Variants in GRID2IP observed in about 807,000 individuals in gnomAD.
GRID2IP encodes the protein delphilin.
Under a neutral mutation model 114.3 loss-of-function variants are expected in GRID2IP, and 78 were observed. That is an observed-to-expected ratio of 0.68 (90% CI 0.57 to 0.82). GRID2IP has a LOEUF of 0.82. Ranked by LOEUF, GRID2IP falls within the 40% of genes least tolerant of loss-of-function variation. GRID2IP has a pLI of 0.00. For missense variants in GRID2IP, 1,727 were observed against 1,678.5 expected (o/e 1.03, Z -0.51); for synonymous variants, 809 against 724.0 (o/e 1.12, Z -1.89).
Position 6,520,930 on chromosome 7 carries a change from A to G in GRID2IP, c.1085-169T>C, listed in dbSNP as rs1347760957. On this transcript the variant is annotated intron_variant, in intron 6 of 21. Transcript: ENST00000457091. The surrounding 1 kb of genome is among the most constrained non-coding windows in gnomAD (Gnocchi z 4.6). The stretch of plus-strand genomic sequence containing the variant: ...CGACACCGGGGCCAAGGATAGAGGG[A>G]GTCAGCCCTGGGAAGGGTCCCTAAG... Among the ~76,000 whole-genome samples the G allele has an allele frequency of 6.6e-6, 1 of 152,070 alleles. No individual in the cohort carries two copies. Among genetic ancestry groups the G allele is most frequent in the Non-Finnish European group, 1.5e-5 (1 of 67,998 alleles).
intron 14 of GRID2IP, among the ~76,000 whole-genome samples, chr7:6,505,566 G>A (rs1321046187): frequency 6.6e-6 from 1 of 151,884 alleles, no homozygotes; most frequent in East Asian, 1.9e-4. Flanking sequence ...CAAGGGTTTC[G>A]CCACGTTGCC....
Position 6,526,717 on chromosome 7 carries a change from C to G in GRID2IP, c.637G>C (p.Gly213Arg). 1 of 1,523,212 alleles carries G rather than the reference C, an allele frequency of 6.6e-7. No individual in the cohort carries two copies. The highest frequency in any genetic ancestry group is 8.8e-7 in the Non-Finnish European group (1 of 1,135,642). The allele number at this position is 1,523,212 out of a possible 1,614,324, so 94.4% of individuals were successfully genotyped here. A position where few individuals can be genotyped will look rare whatever the true frequency, so the allele number is the denominator to read the frequency against. The part of the protein sequence containing the change: ...RARFDEVVSQ[G>R]LLGKLCRARR... The stretch of plus-strand genomic sequence containing the variant: ...GCGCGGCACAGCTTGCCCAGGAGGC[C>G]CTGAGACACCACCTCGTCGAAGCGC... The change falls in exon 3 of 22, where the codon GGC (glycine) becomes CGC (arginine). Residue 213 changes from glycine (G) to arginine (R), a missense_variant. By Grantham distance (125) the Gly-to-Arg change is moderately radical. Coordinates refer to ENST00000457091, the MANE Select transcript of GRID2IP (RefSeq NM_001145118.2). This position sits in a 1 kb window ranked among gnomAD's most constrained non-coding sequence, Gnocchi z 7.6.
intron 1 of GRID2IP, among the ~76,000 whole-genome samples, chr7:6,545,661 C>A (rs1181572434): frequency 6.6e-6 from 1 of 152,250 alleles, no homozygotes; most frequent in Non-Finnish European, 1.5e-5. Flanking sequence ...CTCCCCCACC[C>A]AGGTGTGATG....
At position 6,539,844 on chromosome 7, in the gene GRID2IP, G is replaced by T. The variant is rs1779786091; in HGVS notation, c.458C>A (p.Thr153Asn). ...TGCAGCGAACACCTGCTCCTTGGCA[G>T]TTGGCTGGTCCCCCAAGATTTCATC... ...KVDEILGDQP[T>N]AKEQVFAALK... Residue 153 changes from threonine (T) to asparagine (N), a missense_variant, in exon 2 of 22, where the codon ACT becomes AAT. Thr to Asn is a moderately conservative substitution (Grantham distance 65). Coordinates refer to ENST00000457091, the MANE Select transcript of GRID2IP (RefSeq NM_001145118.2). 1 of 1,551,290 alleles carries T rather than the reference G, an allele frequency of 6.4e-7. No individual in the cohort carries two copies. Among genetic ancestry groups the T allele is most frequent in the South Asian group, 1.2e-5 (1 of 84,042 alleles).
intron 20 of GRID2IP, among the ~76,000 whole-genome samples, chr7:6,498,717 G>C (rs2115348939): frequency 6.6e-6 from 1 of 151,546 alleles, no homozygotes; most frequent in African/African-American, 2.4e-5. Flanking sequence ...CTCCCGAGCA[G>C]CTGGGACCAG....
intron 1 of GRID2IP, among the ~76,000 whole-genome samples, chr7:6,540,876 G>T (rs907256421): frequency 6.6e-6 from 1 of 151,550 alleles, no homozygotes; most frequent in Non-Finnish European, 1.5e-5. Flanking sequence ...TCACTCTGTT[G>T]TCTAGGCTGG....
At chr7:6,513,359 T>C (rs182173155) in intron 8 of GRID2IP, among the ~76,000 whole-genome samples, 54 of 150,916 alleles carry the variant, frequency 3.6e-4, no homozygotes, top group African/African-American at 1.3e-3. Context: ...GGACTACAGG[T>C]GTGCATCACA....
chr7:6,504,347 G>A (rs1412181035), intron 15 of GRID2IP, among the ~76,000 whole-genome samples: 1 of 148,438 alleles, frequency 6.7e-6, no homozygotes, highest in Non-Finnish European at 1.5e-5. Flanking sequence ...GGAGGAGACC[G>A]AATGGAGGGG....
chr7:6,533,363 C>T (rs567078535), intron 2 of GRID2IP, among the ~76,000 whole-genome samples: 48 of 152,196 alleles, frequency 3.2e-4, no homozygotes, highest in Non-Finnish European at 5.7e-4. Flanking sequence ...CAATATCTCT[C>T]TTATTTATTT....
At chr7:6,518,690 C>T (rs1405800085) in intron 7 of GRID2IP, among the ~76,000 whole-genome samples, 4 of 151,842 alleles carry the variant, frequency 2.6e-5, no homozygotes, top group Non-Finnish European at 5.9e-5. Context: ...GAGCCGAGAG[C>T]ACGCCACTGT....
In GRID2IP at chr7:6,503,140, C is replaced by T. The variant is rs1212860063; in HGVS notation, c.2931G>A (p.Lys977=). The T allele has an allele frequency of 5.9e-6, 9 of 1,526,690 alleles. No individual in the cohort carries two copies. The highest frequency in any genetic ancestry group is 7.1e-6 in the Non-Finnish European group (8 of 1,132,710). 94.6% of individuals were successfully genotyped at this position (1,526,690 alleles called of 1,614,324 possible). ...VLQMLSVPEY[K]TRLRSLHFQA... Reference sequence around the variant, plus strand: ...GGAAGTGGAGGCTGCGCAGGCGTGTCTTGTATTCGGGAACTGACAGCATCT... The same window carrying T: ...GGAAGTGGAGGCTGCGCAGGCGTGTTTTGTATTCGGGAACTGACAGCATCT... Residue 977 remains lysine (K), a synonymous_variant, in exon 17 of 22, where the codon AAG becomes AAA. Coordinates refer to ENST00000457091, the MANE Select transcript of GRID2IP (RefSeq NM_001145118.2).
rs779978345 is a variant in GRID2IP, at chr7:6,532,535, G to A, written c.585-5766C>T. On this transcript the variant is annotated intron_variant, in intron 2 of 21. Transcript: ENST00000457091. This position sits in a 1 kb window ranked among gnomAD's most constrained non-coding sequence, Gnocchi z 4.4. ...GACCATCACTTTGCTGTGACCCCCC[G>A]TGGCTGTACTTCTTCCTGGAAGCAG... Among the ~76,000 whole-genome samples the A allele has an allele frequency of 2.2e-4, 34 of 152,106 alleles. No homozygotes were observed. Among genetic ancestry groups the A allele is most frequent in the Admixed American group, 1.4e-3 (21 of 15,270 alleles).
chr7:6,508,001 C>T lies in GRID2IP; in HGVS notation c.2528G>A (p.Gly843Asp). ...GTCACCTACCTGACCCCAGATGGTG[C>T]CTTCTGAGTTCTCCACCTGTTCCCA... Reference protein sequence around the residue: ...LRWEQVENSEGTIWGQLGEDS... With the variant: ...LRWEQVENSEDTIWGQLGEDS... The change falls in exon 13 of 22, where the codon GGC becomes GAC. Residue 843 changes from glycine (G) to aspartate (D), a missense_variant. Physicochemically the swap from Gly to Asp is moderately conservative, Grantham distance 94 (BLOSUM62 -1). Transcript: ENST00000457091. The surrounding 1 kb of genome is among the most constrained non-coding windows in gnomAD (Gnocchi z 5.6). The T allele has an allele frequency of 6.5e-7, 1 of 1,549,994 alleles. No homozygotes were observed. Among genetic ancestry groups the T allele is most frequent in the Non-Finnish European group, 8.7e-7 (1 of 1,146,770 alleles).
chr7:6,514,776 AG>A (rs981004912), intron 7 of GRID2IP, among the ~76,000 whole-genome samples: 3 of 151,836 alleles, frequency 2.0e-5, no homozygotes, highest in African/African-American at 7.3e-5. Flanking sequence ...ACATGGTGAA[AG>A]GCCGTCTCTA....
chr7:6,544,331 G>T (rs887388111), intron 1 of GRID2IP, among the ~76,000 whole-genome samples: 2 of 151,716 alleles, frequency 1.3e-5, no homozygotes, highest in African/African-American at 4.8e-5. Context: ...CCAGGCTGGA[G>T]TGCAATGGCA....
chr7:6,515,940 T>C (rs915895815), intron 7 of GRID2IP, among the ~76,000 whole-genome samples: 1 of 150,992 alleles, frequency 6.6e-6, no homozygotes, highest in Non-Finnish European at 1.5e-5. Context: ...CTACTAAAAA[T>C]ACAAAAATCA....
rs1047128426 is a variant in GRID2IP at position 6,519,712 on chromosome 7, G to A, written c.1268+866C>T. On this transcript the variant is annotated intron_variant, in intron 7 of 21. Coordinates refer to ENST00000457091, the MANE Select transcript of GRID2IP (RefSeq NM_001145118.2). The surrounding 1 kb of genome is among the most constrained non-coding windows in gnomAD (Gnocchi z 4.1). Reference sequence around the variant, plus strand: ...GTGGGGGTTGCGGTGAGCCGAGATCGCACCACTGCACTCCAGCCTGGGCAA... The same window carrying A: ...GTGGGGGTTGCGGTGAGCCGAGATCACACCACTGCACTCCAGCCTGGGCAA... 5.9e-5 allele frequency among the ~76,000 whole-genome samples: 9 copies of A among 151,724 alleles called. No homozygotes were observed. The highest frequency in any genetic ancestry group is 1.7e-4 in the African/African-American group (7 of 41,296).
At chr7:6,503,281 G>A in intron 16 of GRID2IP, 118 bp from the exon 17 acceptor site, 3 of 1,161,730 alleles carry the variant, frequency 2.6e-6, no homozygotes, top group South Asian at 3.2e-5. Context: ...TATTCCGGTA[G>A]GAAGAATAAG....
Position 6,551,405 on chromosome 7 carries a change from T to G in GRID2IP, c.32A>C (p.Gln11Pro). ...GAAGCCAAAGTCCTCTGGCCAGCCC[T>G]GGTTCGTGGCCGGCGTGGCAGTGGT... MATTATPATN[Q>P]GWPEDFGFRL... Residue 11 changes from glutamine to proline, a missense_variant, in exon 1 of 22, where the codon CAG becomes CCG. Coordinates refer to ENST00000457091, the MANE Select transcript of GRID2IP (RefSeq NM_001145118.2). 1 of 1,547,228 alleles carries G rather than the reference T, an allele frequency of 6.5e-7. No individual in the cohort carries two copies. The highest frequency in any genetic ancestry group is 8.7e-7 in the Non-Finnish European group (1 of 1,145,422).
Sources: allele counts gnomAD v4.1 joint callset (sites outside exome capture counted in the v4.1 genomes callset), GRCh38; gene constraint gnomAD v4.1.1; non-coding constraint Gnocchi (gnomAD v3.1); transcripts MANE v1.5; gene names NCBI Gene and HGNC (gene_info 2026-07-23, HGNC 2026-07-21).